ANKS1A: variants seen among roughly 807,000 people sequenced by gnomAD.
ANKS1A encodes ankyrin repeat and SAM domain-containing protein 1A.
A neutral mutation model predicts 120.3 loss-of-function variants in ANKS1A; 55 were observed. The observed-to-expected ratio is 0.46, with a 90% confidence interval of 0.37 to 0.57. ANKS1A has a LOEUF of 0.57. Ranked by LOEUF, ANKS1A falls within the 20% of genes least tolerant of loss-of-function variation. ANKS1A has a pLI of 0.00. For missense variants in ANKS1A, 1,123 were observed against 1,480.3 expected (o/e 0.76, Z 3.96); for synonymous variants, 590 against 604.7 (o/e 0.98, Z 0.36).
At chr6:34,934,585 A>C (rs1353521576) in intron 1 of ANKS1A, among the ~76,000 whole-genome samples, 1 of 152,186 alleles carries the variant, frequency 6.6e-6, no homozygotes, top group Non-Finnish European at 1.5e-5. Context: ...CAGTTTTCTC[A>C]TTTGAAGTTA....
chr6:34,967,748 A>G (rs1389982291), intron 2 of ANKS1A, among the ~76,000 whole-genome samples: 2 of 152,058 alleles, frequency 1.3e-5, no homozygotes, highest in Non-Finnish European at 2.9e-5. Flanking sequence ...TGAGAAACAG[A>G]GAAAAACAAA....
chr6:35,086,598 G>A lies in ANKS1A; in HGVS notation c.3304-354G>A, dbSNP rs1407864856. ...TCTTGCCTTGGGGTGAGCTCTCTGG[G>A]CCTACCAGAGAGACCCGAGGCTGGA... is the stretch of plus-strand genomic sequence containing the variant. On this transcript the variant is annotated intron_variant, in intron 22 of 23. Coordinates refer to ENST00000360359, the MANE Select transcript of ANKS1A (RefSeq NM_015245.3). The surrounding 1 kb of genome is among the most constrained non-coding windows in gnomAD (Gnocchi z 5.1). Among the ~76,000 whole-genome samples, 1 of 151,948 alleles carries A rather than the reference G, an allele frequency of 6.6e-6. No homozygotes were observed. Among genetic ancestry groups the A allele is most frequent in the Admixed American group, 6.6e-5 (1 of 15,262 alleles).
chr6:34,890,994 A>G (rs1272820540), intron 1 of ANKS1A, among the ~76,000 whole-genome samples: 1 of 152,252 alleles, frequency 6.6e-6, no homozygotes, highest in Non-Finnish European at 1.5e-5. Flanking sequence ...TGTTGAAGAA[A>G]TAAAAGTATC....
intron 1 of ANKS1A, among the ~76,000 whole-genome samples, chr6:34,947,427 G>A (rs1438058320): frequency 3.3e-5 from 5 of 152,060 alleles, no homozygotes; most frequent in African/African-American, 9.7e-5. Context: ...AATTACAGAC[G>A]TGAGCCACCA....
chr6:34,923,686 A>T (rs542572779), intron 1 of ANKS1A, among the ~76,000 whole-genome samples: 5 of 152,186 alleles, frequency 3.3e-5, no homozygotes, highest in Non-Finnish European at 5.9e-5. Context: ...CATAGATATG[A>T]TTGAGTGAGC....
chr6:35,007,153 G>T (rs1773504426), intron 10 of ANKS1A, among the ~76,000 whole-genome samples: 1 of 152,204 alleles, frequency 6.6e-6, no homozygotes. Flanking sequence ...CCATCACAGT[G>T]ACTGGTTAAG....
rs1453143795 is a variant in ANKS1A at position 35,017,774 on chromosome 6, C to T, written c.1725C>T (p.Thr575=). Residue 575 remains threonine, a synonymous_variant, in exon 11 of 24, where the codon ACC becomes ACT. Transcript: ENST00000360359. ...RVGYLTGLPT[T]NSRSHPETLT... is the part of the protein sequence containing the mutation. ...GCTACCTCACAGGCCTGCCCACCAC[C>T]AACAGCCGCTCGCACCCTGAAACTT... 1 of 1,614,160 alleles carries T rather than the reference C, an allele frequency of 6.2e-7. No individual in the cohort carries two copies. Among genetic ancestry groups the T allele is most frequent in the Admixed American group, 1.7e-5 (1 of 60,026 alleles).
At position 35,066,653 on chromosome 6, in the gene ANKS1A, A is replaced by G. The variant is rs543727053; in HGVS notation, c.2184+6400A>G. Among the ~76,000 whole-genome samples the G allele has an allele frequency of 9.2e-5, 14 of 152,306 alleles. No homozygotes were observed. The South Asian group carries it at 2.7e-3, about 29-fold the overall frequency. On this transcript the variant is annotated intron_variant, in intron 13 of 23. Coordinates refer to ENST00000360359, the MANE Select transcript of ANKS1A (RefSeq NM_015245.3). ...CCCTTCCCATGACGTGACAGATAAC[A>G]AGGGCCTCAGAAGTCACCTGCAGAG... is the stretch of plus-strand genomic sequence containing the variant.
Position 35,060,679 on chromosome 6 carries a change from G to C in ANKS1A, c.2184+426G>C, listed in dbSNP as rs113211960. On this transcript the variant is annotated intron_variant, in intron 13 of 23. Transcript: ENST00000360359. The surrounding 1 kb of genome is among the most constrained non-coding windows in gnomAD (Gnocchi z 4.5). The stretch of plus-strand genomic sequence containing the variant: ...CTGCCCAGCCAAGGCCCAGTGCCTG[G>C]GGTAGAGTCCAGAGTTACACAGCCT... Among the ~76,000 whole-genome samples, 1,215 of 152,314 alleles carry C rather than the reference G, an allele frequency of 8.0e-3. 5 individuals are homozygous for C. Among genetic ancestry groups the C allele is most frequent in the South Asian group, 0.017 (83 of 4,820 alleles).
chr6:34,987,599 C>T (rs1772278506), intron 8 of ANKS1A, among the ~76,000 whole-genome samples: 1 of 152,196 alleles, frequency 6.6e-6, no homozygotes, highest in Admixed American at 6.5e-5. Flanking sequence ...TTGGCTTGAA[C>T]ATACAGGCTT....
intron 11 of ANKS1A, among the ~76,000 whole-genome samples, chr6:35,041,867 T>C (rs987016321): frequency 5.3e-5 from 8 of 152,216 alleles, no homozygotes; most frequent in African/African-American, 1.7e-4. Flanking sequence ...CAGAACCTAT[T>C]GGGCTACTTT....
intron 11 of ANKS1A, among the ~76,000 whole-genome samples, chr6:35,024,906 C>CCTCTTTA (rs1774535814): frequency 6.6e-6 from 1 of 152,196 alleles, no homozygotes; most frequent in African/African-American, 2.4e-5. Flanking sequence ...ACGCCATATT[C>CCTCTTTA]TGCAATGTGC....
At chr6:34,908,481 C>T (rs547092764) in intron 1 of ANKS1A, among the ~76,000 whole-genome samples, 1 of 152,248 alleles carries the variant, frequency 6.6e-6, no homozygotes, top group Admixed American at 6.5e-5. Flanking sequence ...GTGTCTAGGC[C>T]ACTTTATCTC....
rs902615818 is a variant in ANKS1A at position 35,044,998 on chromosome 6, C to A, written c.2011-9101C>A. On this transcript the variant is annotated intron_variant, in intron 11 of 23. Coordinates refer to ENST00000360359, the MANE Select transcript of ANKS1A (RefSeq NM_015245.3). The surrounding 1 kb of genome is among the most constrained non-coding windows in gnomAD (Gnocchi z 4.4). ...TTACAGAGGGAAACAGGCACAGTATCTCCTGCTATGGCCCTGGGAAATGGC... is the reference window on the plus strand; with the variant it reads ...TTACAGAGGGAAACAGGCACAGTATATCCTGCTATGGCCCTGGGAAATGGC... Among the ~76,000 whole-genome samples, 1 of 152,206 alleles carries A rather than the reference C, an allele frequency of 6.6e-6. No individual in the cohort carries two copies. The highest frequency in any genetic ancestry group is 2.4e-5 in the African/African-American group (1 of 41,442).
At position 34,889,474 on chromosome 6, in the gene ANKS1A, C is replaced by A; in HGVS notation, c.72C>A (p.Ser24=). The A allele has an allele frequency of 1.6e-6, 2 of 1,286,078 alleles. No individual in the cohort carries two copies. Among genetic ancestry groups the A allele is most frequent in the Non-Finnish European group, 2.0e-6 (2 of 1,022,312 alleles). The allele number at this position is 1,286,078 out of a possible 1,614,324, so 79.7% of individuals were successfully genotyped here. ...GHLPAVEKLL[S]GKRLSSGFGG... ...TCCCGGCGGTGGAGAAGCTGCTGTCCGGGAAGCGGCTCTCCTCAGGCTTTG... is the reference window on the plus strand; with the variant it reads ...TCCCGGCGGTGGAGAAGCTGCTGTCAGGGAAGCGGCTCTCCTCAGGCTTTG... The change falls in exon 1 of 24, where the codon TCC becomes TCA. Residue 24 remains serine, a synonymous_variant. Coordinates refer to ENST00000360359, the MANE Select transcript of ANKS1A (RefSeq NM_015245.3). This position sits in a 1 kb window ranked among gnomAD's most constrained non-coding sequence, Gnocchi z 5.5.
rs1776092866 is a variant in ANKS1A at position 35,054,144 on chromosome 6, C to T, written c.2056C>T (p.Gln686Ter). 6.2e-7 allele frequency: 1 copy of T among 1,613,922 alleles called. No individual in the cohort carries two copies. Among genetic ancestry groups the T allele is most frequent in the African/African-American group, 1.3e-5 (1 of 74,924 alleles). The change falls in exon 12 of 24, where the codon CAG becomes TAG. Residue 686 changes from glutamine to a stop codon, truncating the protein, a stop_gained. Transcript: ENST00000360359. LOFTEE classifies it high-confidence loss of function. Reference protein sequence around the residue: ...SSIGEGIDFSQERQKISGLRT... With the variant: ...SSIGEGIDFS The stretch of plus-strand genomic sequence containing the variant: ...TATTGGAGAAGGGATTGACTTTTCT[C>T]AGGAACGGCAGAAGATCTCAGGTAC...
intron 1 of ANKS1A, among the ~76,000 whole-genome samples, chr6:34,930,718 C>G (rs957016304): frequency 6.6e-6 from 1 of 151,988 alleles, no homozygotes; most frequent in Non-Finnish European, 1.5e-5. Flanking sequence ...AACTTGGGAA[C>G]GTTATATCTC....
rs531905166 is a variant in ANKS1A at position 35,021,405 on chromosome 6, C to A, written c.2010+3346C>A. On this transcript the variant is annotated intron_variant, in intron 11 of 23. Coordinates refer to ENST00000360359, the MANE Select transcript of ANKS1A (RefSeq NM_015245.3). ...AAAGAAGTGCAGGACCACAGATGGG[C>A]TCAGGTTCAGGAGTCAGCAGATCCA... 4.6e-5 allele frequency among the ~76,000 whole-genome samples: 7 copies of A among 152,272 alleles called. No individual in the cohort carries two copies. In the South Asian group the frequency reaches 1.5e-3, roughly 32 times the overall value.
chr6:34,937,860 A>G (rs185332868), intron 1 of ANKS1A, among the ~76,000 whole-genome samples: 86 of 152,314 alleles, frequency 5.6e-4, no homozygotes, highest in African/African-American at 1.9e-3. Flanking sequence ...ACTTATTAGG[A>G]CAAAATCAGT....
Sources: allele counts gnomAD v4.1 joint callset (sites outside exome capture counted in the v4.1 genomes callset), GRCh38; gene constraint gnomAD v4.1.1; non-coding constraint Gnocchi (gnomAD v3.1); transcripts MANE v1.5; gene names NCBI Gene and HGNC (gene_info 2026-07-23, HGNC 2026-07-21).